The following ERBB4 variants were observed in gnomAD, a reference collection of about 807,000 sequenced individuals.
ERBB4 encodes the protein receptor tyrosine-protein kinase erbB-4.
A neutral mutation model predicts 158.0 loss-of-function variants in ERBB4; 42 were observed. That is an observed-to-expected ratio of 0.27 (90% CI 0.21 to 0.34). The LOEUF (loss-of-function observed/expected upper bound fraction) is 0.34. ERBB4 is among the 10% of genes least tolerant of loss of function. The pLI is 1.00. For synonymous variants in ERBB4, 583 were observed against 558.7 expected, an observed-to-expected ratio of 1.04 and a Z score of -0.61; for missense variants, 1,333 against 1,624.1, an observed-to-expected ratio of 0.82 and a Z score of 3.08.
intron 1 of ERBB4, among the ~76,000 whole-genome samples, chr2:212,254,350 T>C (rs569498044): frequency 2.4e-4 from 37 of 152,178 alleles, no homozygotes; most frequent in Non-Finnish European, 3.8e-4. Context: ...TGCGGACAGC[T>C]ATGTTGAATC....
In ERBB4 at chr2:211,880,837, G is replaced by T. The variant is rs147275699; in HGVS notation, c.421+66593C>A. Among the ~76,000 whole-genome samples, 181 of 152,264 alleles carry T rather than the reference G, an allele frequency of 1.2e-3. 1 individual carries two copies. Among genetic ancestry groups the T allele is most frequent in the African/African-American group, 3.9e-3 (161 of 41,564 alleles). ...CAAGATAATATTGAAGATGAAACCT[G>T]CAGTGGCAGACCAACCACATCAATT... On this transcript the variant is annotated intron_variant, in intron 3 of 27. Coordinates refer to ENST00000342788, the MANE Select transcript of ERBB4 (RefSeq NM_005235.3).
At chr2:212,230,677 G>A (rs2083632710) in intron 1 of ERBB4, among the ~76,000 whole-genome samples, 1 of 152,118 alleles carries the variant, frequency 6.6e-6, no homozygotes. Context: ...CAAAATCTAC[G>A]TCTATATAAT....
chr2:212,246,683 T>C (rs1258481189), intron 1 of ERBB4, among the ~76,000 whole-genome samples: 1 of 152,076 alleles, frequency 6.6e-6, no homozygotes, highest in East Asian at 1.9e-4. Context: ...AAGAAAGTAA[T>C]ATTCCAGCTC....
At chr2:212,230,022 C>T (rs955360323) in intron 1 of ERBB4, among the ~76,000 whole-genome samples, 1 of 152,176 alleles carries the variant, frequency 6.6e-6, no homozygotes, top group African/African-American at 2.4e-5. Flanking sequence ...CGGTGGTTCA[C>T]GCCTGTAATC....
chr2:211,918,402 T>C (rs1048578318), intron 3 of ERBB4, among the ~76,000 whole-genome samples: 1 of 152,146 alleles, frequency 6.6e-6, no homozygotes, highest in African/African-American at 2.4e-5. Flanking sequence ...TCAGTTTCCA[T>C]TAGAAACTGG....
Position 211,673,255 on chromosome 2 carries a change from T to C in ERBB4, c.1625A>G (p.Glu542Gly). Residue 542 changes from glutamate to glycine, a missense_variant and splice_region_variant, in exon 14 of 28, where the codon GAA becomes GGA. Around this residue, in one of 5 missense-constraint regions of ERBB4, gnomAD observed 245 missense variants for 247.5 expected, o/e 0.99. Coordinates refer to ENST00000342788, the MANE Select transcript of ERBB4 (RefSeq NM_005235.3). ...CIESCNLYDGEFREFENGSIC... is the reference protein window; with the variant it reads ...CIESCNLYDGGFREFENGSIC... ...GGAGCCATTCTCAAACTCCCGAAAT[T>C]CACTGTGAAAACATCAGCCACATGA... 6.2e-7 allele frequency: 1 copy of C among 1,612,542 alleles called. No individual in the cohort carries two copies. Among genetic ancestry groups the C allele is most frequent in the Non-Finnish European group, 8.5e-7 (1 of 1,178,738 alleles).
intron 1 of ERBB4, among the ~76,000 whole-genome samples, chr2:212,219,762 TA>T (rs1638557773): frequency 6.6e-6 from 1 of 151,320 alleles, no homozygotes; most frequent in African/African-American, 2.4e-5. Context: ...AACAGTAGTG[TA>T]AATTGTGTGC....
At chr2:212,458,182 C>T (rs1207312855) in intron 1 of ERBB4, among the ~76,000 whole-genome samples, 1 of 151,950 alleles carries the variant, frequency 6.6e-6, no homozygotes, top group Non-Finnish European at 1.5e-5. Flanking sequence ...CATTGGAAAG[C>T]AAATGAGTGG....
At chr2:211,968,714 GT>G (rs1559211187) in intron 2 of ERBB4, among the ~76,000 whole-genome samples, 1 of 151,922 alleles carries the variant, frequency 6.6e-6, no homozygotes, top group Non-Finnish European at 1.5e-5. Context: ...ACCTATTAAA[GT>G]AAGTAAAATG....
chr2:211,959,264 C>T (rs866452989), intron 2 of ERBB4, among the ~76,000 whole-genome samples: 7 of 152,112 alleles, frequency 4.6e-5, no homozygotes, highest in South Asian at 2.1e-4. Context: ...CTTAATCTTA[C>T]GGTGGTTACT....
intron 3 of ERBB4, among the ~76,000 whole-genome samples, chr2:211,928,473 C>G (rs7598440): frequency 6.6e-6 from 1 of 151,916 alleles, no homozygotes; most frequent in Admixed American, 6.6e-5. Flanking sequence ...TAAGAGGGCT[C>G]GGACTTCTTA....
chr2:212,323,857 G>C (rs2087687958), intron 1 of ERBB4, among the ~76,000 whole-genome samples: 1 of 150,280 alleles, frequency 6.7e-6, no homozygotes. Context: ...GAAATCCATG[G>C]CTTTTCTGGC....
chr2:212,333,414 A>T (rs2088277003), intron 1 of ERBB4, among the ~76,000 whole-genome samples: 2 of 151,728 alleles, frequency 1.3e-5, no homozygotes, highest in South Asian at 4.1e-4. Flanking sequence ...CATGGTGGCT[A>T]ATGTATATAA....
chr2:211,424,094 T>A, intron 23 of ERBB4, 61 bp downstream of exon 23: 1 of 1,470,856 alleles, frequency 6.8e-7, no homozygotes, highest in Non-Finnish European at 9.5e-7. Flanking sequence ...ACAGATTGAG[T>A]AATCTCTGCT....
intron 4 of ERBB4, among the ~76,000 whole-genome samples, chr2:211,751,477 C>T (rs2075128132): frequency 6.6e-6 from 1 of 152,114 alleles, no homozygotes; most frequent in Non-Finnish European, 1.5e-5. Context: ...TCTGTGGGTA[C>T]ATGACACATT....
In ERBB4 at chr2:211,562,007, C is replaced by G. The variant is rs764672016; in HGVS notation, c.2383G>C (p.Val795Leu). 1.9e-6 allele frequency: 3 copies of G among 1,614,130 alleles called. No homozygotes were observed. In the South Asian group the frequency reaches 3.3e-5, roughly 18 times the overall value. The change falls in exon 20 of 28, where the codon GTT becomes CTT. Residue 795 changes from valine to leucine, a missense_variant. By Grantham distance (32) the Val-to-Leu change is conservative (BLOSUM62 1). This residue lies in a region of ERBB4 where 314 missense variants were observed against 437.6 expected (regional missense o/e 0.72). Coordinates refer to ENST00000342788, the MANE Select transcript of ERBB4 (RefSeq NM_005235.3). The part of the protein sequence containing the change: ...GVCLSPTIQL[V>L]TQLMPHGCLL... ...CAGCCATGGGGCATAAGTTGAGTAA[C>G]CAGCTGGATGGTTGGGCTCAGACAC...
In ERBB4 at chr2:212,106,428, G is replaced by A. The variant is rs542899215; in HGVS notation, c.234+18324C>T. Reference sequence around the variant, plus strand: ...AGAGAGATAATTTAGGGTATCTGGTGGAAGAAATTTCTAAGCAGCAAAGCA... The same window carrying A: ...AGAGAGATAATTTAGGGTATCTGGTAGAAGAAATTTCTAAGCAGCAAAGCA... On this transcript the variant is annotated intron_variant, in intron 2 of 27. Coordinates refer to ENST00000342788, the MANE Select transcript of ERBB4 (RefSeq NM_005235.3). 9.8e-5 allele frequency among the ~76,000 whole-genome samples: 15 copies of A among 152,294 alleles called. 1 individual carries two copies. Among genetic ancestry groups the A allele is most frequent in the African/African-American group, 3.6e-4 (15 of 41,564 alleles).
At chr2:212,460,294 T>C (rs574060422) in intron 1 of ERBB4, among the ~76,000 whole-genome samples, 52 of 152,226 alleles carry the variant, frequency 3.4e-4, no homozygotes, top group African/African-American at 1.1e-3. Flanking sequence ...GAGTGAGGCA[T>C]TGCTGAAAAG....
At chr2:211,426,939 G>A (rs2063641238) in intron 22 of ERBB4, among the ~76,000 whole-genome samples, 1 of 151,968 alleles carries the variant, frequency 6.6e-6, no homozygotes, top group Non-Finnish European at 1.5e-5. Flanking sequence ...ACATGCAATA[G>A]ATGTTTTTCT....
Sources: gnomAD v4.1 joint callset for allele counts (sites outside exome capture counted in the v4.1 genomes callset) on GRCh38, gnomAD v4.1.1 for gene constraint, gnomAD v4.1.1 regional missense constraint, MANE v1.5 for transcripts, NCBI Gene and HGNC (gene_info 2026-07-23, HGNC 2026-07-21) for gene names.